Variants in KIF26B observed in about 807,000 individuals in gnomAD.
KIF26B encodes the protein kinesin-like protein KIF26B.
KIF26B carries 63 observed loss-of-function variants against 151.2 expected under a neutral mutation model. The ratio of observed to expected loss-of-function variants is 0.42; its 90% CI spans 0.34 to 0.51. The LOEUF (loss-of-function observed/expected upper bound fraction) is 0.51. Ranked by LOEUF, KIF26B falls within the 20% of genes least tolerant of loss-of-function variation. KIF26B has a pLI of 0.07. For missense variants in KIF26B, 2,813 were observed against 2,913.6 expected, an observed-to-expected ratio of 0.97 and a Z score of 0.79; for synonymous variants, 1,357 against 1,262.1, an observed-to-expected ratio of 1.08 and a Z score of -1.59.
intron 2 of KIF26B, among the ~76,000 whole-genome samples, chr1:245,348,811 G>A (rs1364609089): frequency 6.6e-6 from 1 of 151,956 alleles, no homozygotes. Context: ...ACGCCAACTC[G>A]CCCCCACCCA....
Position 245,649,423 on chromosome 1 carries a change from C to T in KIF26B, c.2258+3143C>T, listed in dbSNP as rs146713705. On this transcript the variant is annotated intron_variant, in intron 10 of 14. Transcript: ENST00000407071. ...ATGTCGGAGCTGCCTTCACTGCGCACGGCAGGGGAGCCCAGCACAGCAGGA... is the reference window on the plus strand; with the variant it reads ...ATGTCGGAGCTGCCTTCACTGCGCATGGCAGGGGAGCCCAGCACAGCAGGA... 5.0e-3 allele frequency among the ~76,000 whole-genome samples: 767 copies of T among 152,318 alleles called. 4 individuals are homozygous for T. The highest frequency in any genetic ancestry group is 6.0e-3 in the Non-Finnish European group (408 of 68,026).
At chr1:245,208,451 C>T (rs979626338) in intron 2 of KIF26B, among the ~76,000 whole-genome samples, 2 of 152,076 alleles carry the variant, frequency 1.3e-5, no homozygotes, top group Non-Finnish European at 2.9e-5. Flanking sequence ...GGCTTGCTGG[C>T]GAGTGGGATT....
chr1:245,401,592 G>A lies in KIF26B; in HGVS notation c.1000-17987G>A, dbSNP rs367761364. ...AAGCAACAGTGCAAACAGCAGGCTGGGCGCGGTGGCTCACGCCTGTAATCC... is the reference window on the plus strand; with the variant it reads ...AAGCAACAGTGCAAACAGCAGGCTGAGCGCGGTGGCTCACGCCTGTAATCC... On this transcript the variant is annotated intron_variant, in intron 3 of 14. Transcript: ENST00000407071. Among the ~76,000 whole-genome samples, 32 of 152,338 alleles carry A rather than the reference G, an allele frequency of 2.1e-4. No individual in the cohort carries two copies. In the South Asian group the frequency reaches 2.3e-3, roughly 11 times the overall value.
chr1:245,619,622 A>AAAAAAAAG (rs2043636768), intron 9 of KIF26B, among the ~76,000 whole-genome samples: 1 of 141,448 alleles, frequency 7.1e-6, no homozygotes, highest in African/African-American at 2.7e-5. Flanking sequence ...AAAAAAAAAA[A>AAAAAAAAG]GAATCTCTGG....
At chr1:245,359,660 C>T (rs80139304) in intron 2 of KIF26B, among the ~76,000 whole-genome samples, 44 of 151,204 alleles carry the variant, frequency 2.9e-4, no homozygotes, top group East Asian at 2.4e-3. Context: ...CATTCCTTCC[C>T]TCCTTCCCTC....
chr1:245,220,116 T>A (rs1471942287), intron 2 of KIF26B, among the ~76,000 whole-genome samples: 2 of 152,182 alleles, frequency 1.3e-5, no homozygotes, highest in Non-Finnish European at 2.9e-5. Flanking sequence ...CCGCACCATG[T>A]TCCAGGTGGC....
chr1:245,699,736 T>A (rs556262172), intron 14 of KIF26B, among the ~76,000 whole-genome samples: 3 of 152,272 alleles, frequency 2.0e-5, no homozygotes, highest in South Asian at 2.1e-4. Flanking sequence ...TGAAATACAT[T>A]CCTGCCATTC....
At chr1:245,692,924 C>T (rs147842898) in intron 12 of KIF26B, among the ~76,000 whole-genome samples, 1 of 152,244 alleles carries the variant, frequency 6.6e-6, no homozygotes, top group Non-Finnish European at 1.5e-5. Flanking sequence ...GAATGTCTGT[C>T]CTGGCCAGTG....
At chr1:245,457,025 C>T (rs1172028740) in intron 4 of KIF26B, among the ~76,000 whole-genome samples, 1 of 152,080 alleles carries the variant, frequency 6.6e-6, no homozygotes, top group Non-Finnish European at 1.5e-5. Flanking sequence ...GCTACCATGC[C>T]CAGCTAATTT....
intron 14 of KIF26B, 135 bp downstream of exon 14, chr1:245,699,172 A>C: frequency 1.2e-6 from 1 of 848,496 alleles, no homozygotes; most frequent in Non-Finnish European, 1.8e-6. Flanking sequence ...AAATGGAGGA[A>C]GTTGCACCGA....
chr1:245,403,545 T>A (rs937537684), intron 3 of KIF26B, among the ~76,000 whole-genome samples: 8 of 152,218 alleles, frequency 5.3e-5, no homozygotes, highest in African/African-American at 1.7e-4. Flanking sequence ...CTGGGGTGTG[T>A]GTGTGTGCGC....
chr1:245,326,215 T>G (rs1201104566), intron 2 of KIF26B, among the ~76,000 whole-genome samples: 1 of 152,216 alleles, frequency 6.6e-6, no homozygotes, highest in Admixed American at 6.5e-5. Flanking sequence ...ACCAAAGGCC[T>G]CAAGCAGCCA....
intron 3 of KIF26B, among the ~76,000 whole-genome samples, chr1:245,410,767 A>G (rs1169301581): frequency 2.6e-5 from 4 of 152,144 alleles, no homozygotes; most frequent in Non-Finnish European, 5.9e-5. Context: ...TAAAATATAT[A>G]TAACCTAAAA....
chr1:245,280,649 G>A (rs9661260), intron 2 of KIF26B, among the ~76,000 whole-genome samples: 63,980 of 110,946 alleles, frequency 0.58, 19,077 homozygotes, highest in Middle Eastern at 0.69. Flanking sequence ...ACATGTGCAC[G>A]TTGTGCAGGT....
intron 9 of KIF26B, among the ~76,000 whole-genome samples, chr1:245,636,767 T>C (rs181019270): frequency 2.0e-5 from 3 of 152,194 alleles, no homozygotes; most frequent in African/African-American, 4.8e-5. Context: ...TTTCCATACC[T>C]GACTTATTTC....
Position 245,408,349 on chromosome 1 carries a change from CTTTTT to C in KIF26B, c.1000-11211_1000-11207del, listed in dbSNP as rs58724712. Among the ~76,000 whole-genome samples, 211 of 113,322 alleles carry C rather than the reference CTTTTT, an allele frequency of 1.9e-3. 3 individuals carry two copies. Among genetic ancestry groups the C allele is most frequent in the African/African-American group, 6.0e-3 (194 of 32,068 alleles). The allele number at this position is 113,322 out of a possible 152,430, so 74.3% of individuals were successfully genotyped here. A position where few individuals can be genotyped will look rare whatever the true frequency, so the allele number is the denominator to read the frequency against. On this transcript the variant is annotated intron_variant, in intron 3 of 14. Transcript: ENST00000407071. The stretch of plus-strand genomic sequence containing the variant: ...TCATTCAAATGATTCTTAAATGATT[CTTTTT>C]TTTTTTTTTTTTTTTTTTGAAACAC...
intron 5 of KIF26B, among the ~76,000 whole-genome samples, chr1:245,543,422 T>A (rs534575708): frequency 6.6e-6 from 1 of 152,350 alleles, no homozygotes; most frequent in East Asian, 1.9e-4. Context: ...GATATCTCTC[T>A]CACTGATTTG....
Position 245,609,369 on chromosome 1 carries a change from A to G in KIF26B, c.1755A>G (p.Glu585=), listed in dbSNP as rs2043493381. ...WLFKLINERK[E]KTGARFSVRV... ...TCAAGCTCATAAACGAACGCAAGGA[A>G]AAGACCGGCGCCCGTTTCTCAGTCC... The change falls in exon 8 of 15, where the codon GAA becomes GAG. Residue 585 remains glutamate (E), a synonymous_variant. Transcript: ENST00000407071. 2 of 1,610,584 alleles carry G rather than the reference A, an allele frequency of 1.2e-6. No individual in the cohort carries two copies. The highest frequency in any genetic ancestry group is 2.2e-5 in the South Asian group (2 of 89,976).
chr1:245,570,319 G>A (rs1449703499), intron 5 of KIF26B, among the ~76,000 whole-genome samples: 1 of 152,106 alleles, frequency 6.6e-6, no homozygotes, highest in African/African-American at 2.4e-5. Context: ...TGAAACTTCA[G>A]CATCATTTTT....
Sources: allele counts gnomAD v4.1 joint callset (sites outside exome capture counted in the v4.1 genomes callset), GRCh38; gene constraint gnomAD v4.1.1; transcripts MANE v1.5; gene names NCBI Gene and HGNC (gene_info 2026-07-23, HGNC 2026-07-21).